The following PTK2 variants were observed in gnomAD, a reference collection of about 807,000 sequenced individuals.
PTK2 encodes the protein protein tyrosine kinase 2, also known as focal adhesion kinase 1.
Under a neutral mutation model 150.1 loss-of-function variants are expected in PTK2, and 45 were observed. The ratio of observed to expected loss-of-function variants is 0.30; its 90% CI spans 0.24 to 0.38. The LOEUF is 0.38. Ranked by LOEUF, PTK2 falls within the 10% of genes least tolerant of loss-of-function variation. The pLI is 1.00. For synonymous variants in PTK2, 432 were observed against 449.2 expected, an observed-to-expected ratio of 0.96 and a Z score of 0.48; for missense variants, 919 against 1,307.3, an observed-to-expected ratio of 0.70 and a Z score of 4.58.
At chr8:140,774,236 G>GT (rs752477931) in intron 14 of PTK2, among the ~76,000 whole-genome samples, 2 of 152,182 alleles carry the variant, frequency 1.3e-5, no homozygotes, top group Non-Finnish European at 2.9e-5. Context: ...CTTGAACTTT[G>GT]TATGTGTGGC....
rs771730641 is a variant in PTK2 at position 140,818,373 on chromosome 8, G to A, written c.790-19C>T. On this transcript the variant is annotated intron_variant, in intron 9 of 31. Transcript: ENST00000522684. ...AGCTTGACTTTTGAAGGTGAAACAA[G>A]TGAGAACAGAGGTGGCAGAAGGAAA... 3 of 1,601,344 alleles carry A rather than the reference G, an allele frequency of 1.9e-6. No individual in the cohort carries two copies. The highest frequency in any genetic ancestry group is 2.2e-5 in the East Asian group (1 of 44,826).
chr8:140,809,677 G>A (rs2100100272), intron 10 of PTK2, among the ~76,000 whole-genome samples: 1 of 152,138 alleles, frequency 6.6e-6, no homozygotes, highest in Non-Finnish European at 1.5e-5. Context: ...GTAATGGTGT[G>A]TACCTGTAGT....
chr8:140,993,116 T>A (rs2100196351), intron 1 of PTK2, among the ~76,000 whole-genome samples: 1 of 152,156 alleles, frequency 6.6e-6, no homozygotes, highest in Non-Finnish European at 1.5e-5. Context: ...GTTCCAAAAT[T>A]ATGAAAGAGC....
chr8:140,680,001 G>A (rs139692716), intron 27 of PTK2, among the ~76,000 whole-genome samples: 30 of 152,258 alleles, frequency 2.0e-4, no homozygotes, highest in South Asian at 8.3e-4. Context: ...GCTGGCTACC[G>A]GTGCATAAAT....
chr8:140,687,552 T>C (rs1340619937), intron 26 of PTK2, among the ~76,000 whole-genome samples: 1 of 152,174 alleles, frequency 6.6e-6, no homozygotes, highest in Non-Finnish European at 1.5e-5. Context: ...CGTCTGTGTA[T>C]CTCCTATTTC....
At chr8:140,684,479 A>T (rs960751855) in intron 27 of PTK2, among the ~76,000 whole-genome samples, 1 of 152,256 alleles carries the variant, frequency 6.6e-6, no homozygotes, top group East Asian at 1.9e-4. Context: ...CGGCCCAGGA[A>T]GATGGGGACT....
At chr8:140,890,438 C>A in intron 3 of PTK2, 105 bp downstream of exon 3, 1 of 920,016 alleles carries the variant, frequency 1.1e-6, no homozygotes, top group African/African-American at 1.7e-5. Context: ...TATGAAAAGT[C>A]CCCGATAAGT....
At chr8:140,778,612 G>C (rs923598445) in intron 14 of PTK2, among the ~76,000 whole-genome samples, 1 of 152,202 alleles carries the variant, frequency 6.6e-6, no homozygotes, top group South Asian at 2.1e-4. Context: ...TGTGCTATTC[G>C]CTTTACGGTT....
intron 26 of PTK2, among the ~76,000 whole-genome samples, chr8:140,690,507 A>T (rs2100022525): frequency 6.6e-6 from 1 of 152,198 alleles, no homozygotes; most frequent in Non-Finnish European, 1.5e-5. Flanking sequence ...GATTTTGGTT[A>T]TTTTAAAATA....
At chr8:140,971,108 T>C (rs746342662) in intron 1 of PTK2, among the ~76,000 whole-genome samples, 2 of 152,186 alleles carry the variant, frequency 1.3e-5, no homozygotes, top group African/African-American at 2.4e-5. Flanking sequence ...TCTCTAAGAA[T>C]AGTCTGTGTG....
chr8:141,000,125 A>ACACACC (rs779200710), intron 1 of PTK2, among the ~76,000 whole-genome samples: 2 of 141,894 alleles, frequency 1.4e-5, no homozygotes, highest in East Asian at 2.0e-4. Context: ...ACACACACAC[A>ACACACC]CCCCTTCTTC....
At chr8:140,818,958 T>C (rs368257613) in exon 9 of PTK2, 2 of 1,613,504 alleles carry the variant, frequency 1.2e-6, no homozygotes, top group African/African-American at 2.7e-5. Context: ...GAATACTTTC[T>C]TCTCTATTAA....
intron 22 of PTK2, among the ~76,000 whole-genome samples, chr8:140,728,631 G>A (rs2100047332): frequency 6.6e-6 from 1 of 152,162 alleles, no homozygotes; most frequent in Admixed American, 6.6e-5. Context: ...CGATTCTCCT[G>A]CCTTAGCCTC....
At chr8:140,763,363 T>C (rs1565879337) in intron 15 of PTK2, among the ~76,000 whole-genome samples, 1 of 152,324 alleles carries the variant, frequency 6.6e-6, no homozygotes, top group East Asian at 1.9e-4. Context: ...TACAAATATA[T>C]ATAGCTCTAC....
At chr8:140,999,396 T>A (rs1433277691) in intron 1 of PTK2, among the ~76,000 whole-genome samples, 3 of 152,248 alleles carry the variant, frequency 2.0e-5, no homozygotes, top group Non-Finnish European at 4.4e-5. Flanking sequence ...GATCTTGTTG[T>A]TTCTGCAGTT....
intron 1 of PTK2, among the ~76,000 whole-genome samples, chr8:140,932,431 G>C (rs143680156): frequency 3.6e-3 from 555 of 152,190 alleles, no homozygotes; most frequent in African/African-American, 0.013. Context: ...GGCCAGGCCA[G>C]TCTCGAACTC....
intron 1 of PTK2, among the ~76,000 whole-genome samples, chr8:140,952,210 G>A (rs946907782): frequency 3.9e-5 from 6 of 152,174 alleles, no homozygotes; most frequent in Admixed American, 3.3e-4. Context: ...GTTAACTGCG[G>A]GTTAAGCAGA....
chr8:140,903,411 T>C (rs1160144389), intron 2 of PTK2, among the ~76,000 whole-genome samples: 2 of 152,168 alleles, frequency 1.3e-5, no homozygotes, highest in African/African-American at 2.4e-5. Context: ...TGTAGCCTTG[T>C]AGGATAGGTT....
At chr8:140,666,282 G>C (rs1031800286) in intron 30 of PTK2, among the ~76,000 whole-genome samples, 1 of 152,128 alleles carries the variant, frequency 6.6e-6, no homozygotes, top group Admixed American at 6.5e-5. Context: ...GGGTTGCAGT[G>C]AACCAAGATC....
Sources: gnomAD v4.1 joint callset for allele counts (sites outside exome capture counted in the v4.1 genomes callset) on GRCh38, gnomAD v4.1.1 for gene constraint, MANE v1.5 for transcripts, NCBI Gene and HGNC (gene_info 2026-07-23, HGNC 2026-07-21) for gene names.